MX1: variants seen among roughly 807,000 people sequenced by gnomAD.
MX1 encodes interferon-induced GTP-binding protein Mx1.
Under a neutral mutation model 66.4 loss-of-function variants are expected in MX1, and 66 were observed. The ratio of observed to expected loss-of-function variants is 0.99; its 90% CI spans 0.82 to 1.22. The LOEUF is 1.22. MX1 is among the 50% of genes most tolerant of loss of function. The pLI is 0.00. For missense variants in MX1, 787 were observed against 834.3 expected, an observed-to-expected ratio of 0.94 and a Z score of 0.70; for synonymous variants, 311 against 318.1, an observed-to-expected ratio of 0.98 and a Z score of 0.24.
chr21:41,447,429 A>T (rs997868408), intron 13 of MX1, among the ~76,000 whole-genome samples: 2 of 151,094 alleles, frequency 1.3e-5, no homozygotes, highest in East Asian at 3.9e-4. Flanking sequence ...CAAGTCCTGG[A>T]ATATTTCCAG....
intron 11 of MX1, among the ~76,000 whole-genome samples, chr21:41,444,905 G>A (rs944225718): frequency 2.0e-5 from 3 of 152,054 alleles, no homozygotes; most frequent in African/African-American, 7.2e-5. Context: ...TGAGTCCACC[G>A]ATACATTTAA....
At chr21:41,442,128 GA>G (rs1016131861) in intron 10 of MX1, among the ~76,000 whole-genome samples, 1 of 144,620 alleles carries the variant, frequency 6.9e-6, no homozygotes. Context: ...ATACTGCCAA[GA>G]AAAAAAAAAC....
rs199666258 is a variant in MX1, at chr21:41,452,760, T to C, written c.1649T>C (p.Leu550Pro). The change falls in exon 16 of 17, where the codon CTG becomes CCG. Residue 550 changes from leucine to proline, a missense_variant. Transcript: ENST00000398598. ...GALQKVREKE[L>P]EEEKKKKSWD... is the part of the protein sequence containing the mutation. ...TTGCAGAAGGTCAGAGAGAAGGAGC[T>C]GGAAGAAGAAAAGAAGAAGAAATCC... 32 of 1,614,152 alleles carry C rather than the reference T, an allele frequency of 2.0e-5. No individual in the cohort carries two copies. The East Asian group carries it at 6.2e-4, about 31-fold the overall frequency.
chr21:41,426,714 C>A (rs1318367084), intron 1 of MX1: 1 of 152,312 alleles, frequency 6.6e-6, no homozygotes, highest in Non-Finnish European at 1.5e-5. Context: ...CGCGCGAAAG[C>A]AAACCCAAGT....
intron 7 of MX1, among the ~76,000 whole-genome samples, chr21:41,439,372 C>T (rs999279194): frequency 2.0e-5 from 3 of 152,254 alleles, no homozygotes; most frequent in Admixed American, 2.0e-4. Flanking sequence ...TAATTTCCTA[C>T]TGACATCAAT....
In MX1 at chr21:41,439,745, C is replaced by T. The variant is rs143467494; in HGVS notation, c.488C>T (p.Thr163Ile). The change falls in exon 8 of 17, where the codon ACC (threonine) becomes ATC (isoleucine). Residue 163 changes from threonine to isoleucine, a missense_variant. Thr to Ile is a moderately conservative substitution (Grantham distance 89). Transcript: ENST00000398598. The part of the protein sequence containing the change: ...EGMGISHELI[T>I]LEISSRDVPD... ...ATGGGAATCAGTCATGAGCTAATCA[C>T]CCTGGAGATCAGCTCCCGAGATGTC... The T allele has an allele frequency of 3.7e-6, 6 of 1,614,140 alleles. No homozygotes were observed. The East Asian group carries it at 1.3e-4, about 36-fold the overall frequency.
At chr21:41,442,736 A>G (rs993349887) in intron 10 of MX1, 2 of 152,262 alleles carry the variant, frequency 1.3e-5, no homozygotes, top group African/African-American at 2.4e-5. Context: ...GGATGCAGAA[A>G]GCAATGTGGT....
chr21:41,454,081 T>G (rs1383732502), intron 16 of MX1, among the ~76,000 whole-genome samples: 1 of 149,156 alleles, frequency 6.7e-6, no homozygotes, highest in Non-Finnish European at 1.5e-5. Context: ...TAATGGAGAT[T>G]CTCTACAGGT....
chr21:41,435,951 G>T lies in MX1; in HGVS notation c.220G>T (p.Ala74Ser). The stretch of plus-strand genomic sequence containing the variant: ...GCAGGACCTGGCCCTGCCAGCCATC[G>T]CCGTCATCGGGGACCAGAGCTCGGG... ...VEQDLALPAI[A>S]VIGDQSSGKS... Residue 74 changes from alanine (A) to serine (S), a missense_variant, in exon 6 of 17, where the codon GCC becomes TCC. Transcript: ENST00000398598. 1.2e-6 allele frequency: 2 copies of T among 1,614,206 alleles called. No individual in the cohort carries two copies. The highest frequency in any genetic ancestry group is 1.7e-6 in the Non-Finnish European group (2 of 1,180,040).
At chr21:41,420,997 C>T (rs1178440696) in intron 1 of MX1, among the ~76,000 whole-genome samples, 5 of 152,214 alleles carry the variant, frequency 3.3e-5, no homozygotes. Context: ...AACCAGCGTT[C>T]AGCATATGGA....
chr21:41,440,753 C>A lies in MX1; in HGVS notation c.592-134C>A. On this transcript the variant is annotated intron_variant, in intron 8 of 16. Transcript: ENST00000398598. ...CAGGGTTGTGTTTGTGGGTTCATTT[C>A]TCCAAAGTTACTTCTTTTGGGGGAA... is the stretch of plus-strand genomic sequence containing the variant. 5.7e-6 allele frequency: 6 copies of A among 1,050,022 alleles called. No homozygotes were observed. In the South Asian group the frequency reaches 8.2e-5, roughly 14 times the overall value. 65.0% of individuals were successfully genotyped at this position (1,050,022 alleles called of 1,614,324 possible).
chr21:41,430,439 C>G (rs1477086246), intron 3 of MX1, 94 bp from the exon 4 acceptor site: 1 of 137,480 alleles, frequency 7.3e-6, no homozygotes, highest in African/African-American at 2.6e-5. Flanking sequence ...TGCACTTGCC[C>G]GGTTCTCAGA....
rs1470503846 is a variant in MX1 at position 41,441,867 on chromosome 21, A to C, written c.882A>C (p.Glu294Asp). 1 of 1,614,202 alleles carries C rather than the reference A, an allele frequency of 6.2e-7. No individual in the cohort carries two copies. Among genetic ancestry groups the C allele is most frequent in the South Asian group, 1.1e-5 (1 of 91,084 alleles). Residue 294 changes from glutamate to aspartate, a missense_variant, in exon 10 of 17, where the codon GAA (glutamate) becomes GAC (aspartate). Coordinates refer to ENST00000398598, the MANE Select transcript of MX1 (RefSeq NM_002462.5). The surrounding 1 kb of genome is among the most constrained non-coding windows in gnomAD (Gnocchi z 4.0). ...QEIQDQLSLSEALQREKIFFE... is the reference protein window; with the variant it reads ...QEIQDQLSLSDALQREKIFFE... ...TCCAGGACCAGCTGAGCCTGTCCGA[A>C]GCCCTGCAGAGAGAGAAGATCTTCT...
rs1377164370 is a variant in MX1, at chr21:41,451,856, CA to C, written c.1509+620del. On this transcript the variant is annotated intron_variant, in intron 15 of 16. Coordinates refer to ENST00000398598, the MANE Select transcript of MX1 (RefSeq NM_002462.5). ...TCTCAAAAAAAAAAAAAAAAACAAA[CA>C]AAAAAACTTTCCATCCAGAGTGAGG... is the stretch of plus-strand genomic sequence containing the variant. 4.0e-5 allele frequency among the ~76,000 whole-genome samples: 3 copies of C among 75,652 alleles called. 1 individual carries two copies. Among genetic ancestry groups the C allele is most frequent in the South Asian group, 3.6e-4 (1 of 2,806 alleles). 49.6% of individuals were successfully genotyped at this position (75,652 alleles called of 152,430 possible).
Position 41,451,254 on chromosome 21 carries a change from C to G in MX1, c.1509+11C>G. 2 of 1,542,522 alleles carry G rather than the reference C, an allele frequency of 1.3e-6. No homozygotes were observed. Among genetic ancestry groups the G allele is most frequent in the Non-Finnish European group, 1.8e-6 (2 of 1,131,296 alleles). ...CACAGAACCGCCAAGGTAAAACCAA[C>G]CATGTGTTGTTTAAAAAAAAAAAAG... On this transcript the variant is annotated intron_variant, in intron 15 of 16. Coordinates refer to ENST00000398598, the MANE Select transcript of MX1 (RefSeq NM_002462.5).
At chr21:41,430,905 T>A (rs2090192363) in intron 4 of MX1, among the ~76,000 whole-genome samples, 1 of 152,202 alleles carries the variant, frequency 6.6e-6, no homozygotes, top group Admixed American at 6.5e-5. Flanking sequence ...CATAAAAGAT[T>A]TAGAGCTCAC....
chr21:41,455,235 G>A (rs1424721613), intron 16 of MX1, among the ~76,000 whole-genome samples: 2 of 152,104 alleles, frequency 1.3e-5, no homozygotes, highest in African/African-American at 4.8e-5. Flanking sequence ...GGCTCTCAGG[G>A]GTCACCATAC....
chr21:41,448,419 C>G (rs2090724727), intron 13 of MX1, among the ~76,000 whole-genome samples: 1 of 152,192 alleles, frequency 6.6e-6, no homozygotes, highest in African/African-American at 2.4e-5. Flanking sequence ...TTCTAATGGG[C>G]ATGCAGTTGA....
intron 16 of MX1, among the ~76,000 whole-genome samples, chr21:41,454,455 G>A (rs1247400059): frequency 1.3e-5 from 2 of 152,154 alleles, no homozygotes; most frequent in African/African-American, 2.4e-5. Context: ...TTACGGCCAG[G>A]AATTCAGATT....
Sources: allele counts gnomAD v4.1 joint callset (sites outside exome capture counted in the v4.1 genomes callset), GRCh38; gene constraint gnomAD v4.1.1; non-coding constraint Gnocchi (gnomAD v3.1); transcripts MANE v1.5; gene names NCBI Gene and HGNC (gene_info 2026-07-23, HGNC 2026-07-21).